Variants in MYO16 observed in about 807,000 individuals in gnomAD.
The protein encoded by MYO16 is unconventional myosin-XVI.
In MYO16, 94 loss-of-function variants were observed where a neutral mutation model predicts 205.3. That is an observed-to-expected ratio of 0.46 (90% CI 0.39 to 0.54). MYO16 has a LOEUF of 0.54. Among genes scored for constraint, MYO16 ranks in the 20% least tolerant of loss-of-function variants. The pLI is 0.00. For synonymous variants in MYO16, 988 were observed against 954.0 expected (o/e 1.04, Z -0.66); for missense variants, 2,315 against 2,387.5 (o/e 0.97, Z 0.63).
chr13:108,731,520 C>T (rs1474807993), intron 4 of MYO16, among the ~76,000 whole-genome samples: 1 of 152,082 alleles, frequency 6.6e-6, no homozygotes, highest in East Asian at 1.9e-4. Flanking sequence ...TTTTCCTTAC[C>T]AAACAGAATT....
chr13:108,521,380 A>T, the MYO16 span, among the ~76,000 whole-genome samples: 1 of 152,274 alleles, frequency 6.6e-6, no homozygotes, highest in East Asian at 1.9e-4. Context: ...TTTATTAAAT[A>T]TTATTTTGCA....
Position 109,082,859 on chromosome 13 carries a change from G to A in MYO16, c.3336-17926G>A, listed in dbSNP as rs1350329537. Among the ~76,000 whole-genome samples, 3 of 152,176 alleles carry A rather than the reference G, an allele frequency of 2.0e-5. No homozygotes were observed. The East Asian group carries it at 5.8e-4, about 29-fold the overall frequency. ...GATAATGGGTTTAGCTTTAGATGAA[G>A]CGGGTTCAAGGTACCTGTGAGATGC... On this transcript the variant is annotated intron_variant, in intron 27 of 34. Transcript: ENST00000457511.
chr13:108,548,884 T>C, the MYO16 span, among the ~76,000 whole-genome samples: 1 of 152,132 alleles, frequency 6.6e-6, no homozygotes, highest in African/African-American at 2.4e-5. Flanking sequence ...AACACAGACA[T>C]TTCTCCTTGT....
intron 1 of MYO16, among the ~76,000 whole-genome samples, chr13:108,608,562 A>C (rs749494616): frequency 3.9e-5 from 6 of 152,164 alleles, no homozygotes; most frequent in Non-Finnish European, 8.8e-5. Context: ...TGTTAAACAT[A>C]ATAAATACAC....
In MYO16 at chr13:108,820,383, T is replaced by C; in HGVS notation, c.914T>C (p.Leu305Pro). 2 of 1,607,284 alleles carry C rather than the reference T, an allele frequency of 1.2e-6. No individual in the cohort carries two copies. The highest frequency in any genetic ancestry group is 1.7e-6 in the Non-Finnish European group (2 of 1,176,570). The change falls in exon 8 of 35, where the codon CTC becomes CCC. Residue 305 changes from leucine (L) to proline (P), a missense_variant. Physicochemically the swap from Leu to Pro is moderately conservative, Grantham distance 98. Around this residue, in one of 3 missense-constraint regions of MYO16, gnomAD observed 1,213 missense variants for 1,274.4 expected, o/e 0.95. Transcript: ENST00000457511. Reference sequence around the variant, plus strand: ...CTGATGCATCAGGCAAACCCACACCTCGTGAACTGTAATGAGGAGAAGGCG... The same window carrying C: ...CTGATGCATCAGGCAAACCCACACCCCGTGAACTGTAATGAGGAGAAGGCG... ...LLLMHQANPH[L>P]VNCNEEKASD...
intron 14 of MYO16, among the ~76,000 whole-genome samples, chr13:108,889,282 C>T (rs1486224913): frequency 6.6e-6 from 1 of 152,138 alleles, no homozygotes; most frequent in East Asian, 1.9e-4. Context: ...TGTTAACTGT[C>T]CCGCTAATTC....
intron 17 of MYO16, among the ~76,000 whole-genome samples, chr13:108,961,174 G>T (rs1053182479): frequency 2.0e-5 from 3 of 152,152 alleles, no homozygotes; most frequent in African/African-American, 7.2e-5. Flanking sequence ...GGAGAGGAGG[G>T]GGAGTGAAGT....
chr13:108,936,508 C>A (rs749020609), intron 16 of MYO16, among the ~76,000 whole-genome samples: 1 of 152,062 alleles, frequency 6.6e-6, no homozygotes, highest in East Asian at 1.9e-4. Flanking sequence ...AGTTTGTGCA[C>A]ATAGAGCTAT....
At chr13:109,186,525 G>C (rs1355835781) in intron 34 of MYO16, among the ~76,000 whole-genome samples, 1 of 152,104 alleles carries the variant, frequency 6.6e-6, no homozygotes. Context: ...TCATATTGTA[G>C]TTTACAACTT....
At chr13:109,160,412 A>G (rs767592246) in intron 32 of MYO16, among the ~76,000 whole-genome samples, 3 of 152,238 alleles carry the variant, frequency 2.0e-5, no homozygotes, top group Non-Finnish European at 4.4e-5. Flanking sequence ...TTTATTTTTG[A>G]GTCAGATCCT....
intron 29 of MYO16, among the ~76,000 whole-genome samples, chr13:109,120,775 T>C (rs1034298114): frequency 1.3e-4 from 20 of 152,190 alleles, no homozygotes; most frequent in African/African-American, 4.6e-4. Context: ...CATTTTCTGA[T>C]AATAAAAAGT....
intron 1 of MYO16, among the ~76,000 whole-genome samples, chr13:108,639,130 G>T (rs1281821830): frequency 6.6e-6 from 1 of 152,172 alleles, no homozygotes; most frequent in East Asian, 1.9e-4. Flanking sequence ...GATCAGCTTT[G>T]CATTTTAGAT....
At chr13:108,649,764 A>G (rs1190683294) in intron 1 of MYO16, among the ~76,000 whole-genome samples, 2 of 152,204 alleles carry the variant, frequency 1.3e-5, no homozygotes, top group Middle Eastern at 3.2e-3. Context: ...TGCAATAATT[A>G]AGACTTGCAA....
chr13:108,706,434 A>G (rs1475171615), intron 2 of MYO16, among the ~76,000 whole-genome samples: 1 of 152,200 alleles, frequency 6.6e-6, no homozygotes, highest in African/African-American at 2.4e-5. Flanking sequence ...GGTTACAAGT[A>G]ACATTTGAAG....
At chr13:109,133,741 C>CA (rs964590443) in intron 31 of MYO16, among the ~76,000 whole-genome samples, 1 of 152,160 alleles carries the variant, frequency 6.6e-6, no homozygotes, top group African/African-American at 2.4e-5. Context: ...AATATTAGAA[C>CA]AAAAAAATAA....
At chr13:109,011,880 G>T (rs536404526) in intron 22 of MYO16, among the ~76,000 whole-genome samples, 1 of 152,128 alleles carries the variant, frequency 6.6e-6, no homozygotes, top group African/African-American at 2.4e-5. Context: ...AAGACACAAA[G>T]AAATGGCCTT....
At chr13:108,890,523 A>G (rs1880121686) in intron 14 of MYO16, among the ~76,000 whole-genome samples, 1 of 152,142 alleles carries the variant, frequency 6.6e-6, no homozygotes, top group Admixed American at 6.5e-5. Flanking sequence ...GCTCAGAGGA[A>G]GGGAGCAGCA....
intron 21 of MYO16, among the ~76,000 whole-genome samples, chr13:109,003,870 C>T (rs541149980): frequency 1.3e-5 from 2 of 152,280 alleles, no homozygotes; most frequent in East Asian, 3.9e-4. Context: ...TACAGAGCTG[C>T]AACCTATTCT....
chr13:109,036,589 A>T (rs1379547445), intron 23 of MYO16, among the ~76,000 whole-genome samples: 1 of 152,194 alleles, frequency 6.6e-6, no homozygotes, highest in Non-Finnish European at 1.5e-5. Flanking sequence ...AGGATCGCTA[A>T]CTGCCGCAGC....
Sources: allele counts gnomAD v4.1 joint callset (sites outside exome capture counted in the v4.1 genomes callset), GRCh38; gene constraint gnomAD v4.1.1; regional missense constraint gnomAD v4.1.1; transcripts MANE v1.5; gene names NCBI Gene and HGNC (gene_info 2026-07-23, HGNC 2026-07-21).